ABCC6: variants seen among roughly 807,000 people sequenced by gnomAD.
The protein encoded by ABCC6 is ATP-binding cassette sub-family C member 6.
In ABCC6, 126 loss-of-function variants were observed where a neutral mutation model predicts 169.5. That is an observed-to-expected ratio of 0.74 (90% CI 0.64 to 0.86). The LOEUF is 0.86. Among genes scored for constraint, ABCC6 ranks in the 40% least tolerant of loss-of-function variants. The probability of loss-of-function intolerance (pLI) is 0.00; values close to 1 mark genes in which losing one functional copy is unlikely to be tolerated. For missense variants in ABCC6, 1,733 were observed against 1,927.2 expected, an observed-to-expected ratio of 0.90 and a Z score of 1.89; for synonymous variants, 752 against 814.7, an observed-to-expected ratio of 0.92 and a Z score of 1.31.
chr16:16,211,424 A>G (rs1196381244), intron 6 of ABCC6, among the ~76,000 whole-genome samples: 1 of 152,016 alleles, frequency 6.6e-6, no homozygotes, highest in African/African-American at 2.4e-5. Flanking sequence ...AATAATTACC[A>G]CTTAAACTCA....
At chr16:16,214,687 C>A (rs1383491229) in intron 4 of ABCC6, among the ~76,000 whole-genome samples, 1 of 152,116 alleles carries the variant, frequency 6.6e-6, no homozygotes, top group Admixed American at 6.5e-5. Flanking sequence ...TCCCTGCAAC[C>A]TCTGCCTCCT....
chr16:16,192,804 G>A, intron 11 of ABCC6, 26 bp downstream of exon 11: 2 of 1,597,330 alleles, frequency 1.3e-6, no homozygotes, highest in South Asian at 2.2e-5. Flanking sequence ...TTCCTGCCTG[G>A]TCCGTCCCTT....
At chr16:16,187,071 GC>G in intron 14 of ABCC6, 52 bp downstream of exon 14, 3 of 1,481,384 alleles carry the variant, frequency 2.0e-6, no homozygotes, top group Non-Finnish European at 2.8e-6. Context: ...GGCTGGGGTG[GC>G]CCCCACATCC....
rs1131691865 is a variant in ABCC6 at position 16,175,987 on chromosome 16, C to A, written c.2591-1G>T. On this transcript the variant is annotated splice_acceptor_variant, in intron 19 of 30. Coordinates refer to ENST00000205557, the MANE Select transcript of ABCC6 (RefSeq NM_001171.6). LOFTEE classifies it high-confidence loss of function. ...TTGGTGCTGGTCCCAGGTTCTGTTT[C>A]TGCAAGGTCAAGAGAGTCCTGTCAC... is the stretch of plus-strand genomic sequence containing the variant. 5.6e-6 allele frequency: 9 copies of A among 1,614,130 alleles called. No homozygotes were observed. Among genetic ancestry groups the A allele is most frequent in the Non-Finnish European group, 7.6e-6 (9 of 1,180,016 alleles).
chr16:16,201,458 T>C (rs2048233270), intron 9 of ABCC6, among the ~76,000 whole-genome samples: 1 of 151,848 alleles, frequency 6.6e-6, no homozygotes, highest in African/African-American at 2.4e-5. Context: ...CCAGGGTGGG[T>C]GGGGGCCTGG....
intron 22 of ABCC6, among the ~76,000 whole-genome samples, chr16:16,166,602 G>A (rs1337672748): frequency 4.6e-5 from 7 of 151,742 alleles, no homozygotes; most frequent in South Asian, 2.1e-4. Context: ...ACGAGGGGCC[G>A]GGCACAGTGG....
intron 15 of ABCC6, among the ~76,000 whole-genome samples, chr16:16,183,627 G>A (rs904881388): frequency 1.3e-5 from 2 of 152,154 alleles, no homozygotes; most frequent in African/African-American, 4.8e-5. Flanking sequence ...GCTGTTTCTT[G>A]AACACAAAAG....
intron 29 of ABCC6, 140 bp from the exon 30 acceptor site, chr16:16,150,912 G>T (rs2152207851): frequency 1.3e-6 from 2 of 1,496,818 alleles, no homozygotes; most frequent in South Asian, 1.3e-5. Flanking sequence ...GGGGTCTGGG[G>T]TCTGTGGTCT....
intron 11 of ABCC6, among the ~76,000 whole-genome samples, chr16:16,192,071 G>A (rs1239321976): frequency 6.6e-6 from 1 of 152,170 alleles, no homozygotes; most frequent in Admixed American, 6.6e-5. Flanking sequence ...GGGAGGGGAG[G>A]GATGGACGTG....
intron 29 of ABCC6, among the ~76,000 whole-genome samples, chr16:16,153,353 C>T (rs371652031): frequency 6.6e-6 from 1 of 152,252 alleles, no homozygotes; most frequent in African/African-American, 2.4e-5. Flanking sequence ...GAAAATTATT[C>T]GGCCTTAAAA....
In ABCC6 at chr16:16,190,496, A is replaced by G; in HGVS notation, c.1432-129T>C. 3.1e-6 allele frequency: 3 copies of G among 975,370 alleles called. No individual in the cohort carries two copies. In the South Asian group the frequency reaches 4.1e-5, roughly 13 times the overall value. 60.4% of individuals were successfully genotyped at this position (975,370 alleles called of 1,614,324 possible). A position where few individuals can be genotyped will look rare whatever the true frequency, so the allele number is the denominator to read the frequency against. ...TGCGTCCCAAACCTGTCTGCCTCTC[A>G]GCACCTCTGACCCTCACTCCTGGTC... On this transcript the variant is annotated intron_variant, in intron 11 of 30. Coordinates refer to ENST00000205557, the MANE Select transcript of ABCC6 (RefSeq NM_001171.6).
intron 26 of ABCC6, among the ~76,000 whole-genome samples, chr16:16,158,643 T>C (rs1343671210): frequency 6.6e-6 from 1 of 152,268 alleles, no homozygotes; most frequent in Non-Finnish European, 1.5e-5. Flanking sequence ...TGCGTTGCTA[T>C]GTTGCTGTTC....
chr16:16,156,499 C>A (rs79821117), intron 27 of ABCC6, among the ~76,000 whole-genome samples: 10,274 of 152,230 alleles, frequency 0.067, 515 homozygotes, highest in Admixed American at 0.12. Flanking sequence ...TAAGCCCTGG[C>A]AGAGCAATGA....
At chr16:16,164,108 G>A (rs1036877744) in intron 23 of ABCC6, among the ~76,000 whole-genome samples, 9 of 151,872 alleles carry the variant, frequency 5.9e-5, no homozygotes, top group African/African-American at 1.2e-4. Flanking sequence ...ATCTCAGCTC[G>A]CTGCAACCTC....
chr16:16,181,943 CAAAA>C (rs559833336), intron 17 of ABCC6: 2 of 235,048 alleles, frequency 8.5e-6, no homozygotes, highest in Non-Finnish European at 1.7e-5. Context: ...CAAAACAAAA[CAAAA>C]AACAAAACCA....
At chr16:16,159,706 A>C in intron 25 of ABCC6, 123 bp from the exon 26 acceptor site, 1 of 836,814 alleles carries the variant, frequency 1.2e-6, no homozygotes. Flanking sequence ...GGGAGGCAGG[A>C]ATGGGACAGT....
rs373223582 is a variant in ABCC6 at position 16,182,938 on chromosome 16, C to G, written c.1944-8G>C. Reference sequence around the variant, plus strand: ...GGCACCGTGAGGTTTATTCTGGACACGCAAGAGGGGAGACATGACCTTGGT... The same window carrying G: ...GGCACCGTGAGGTTTATTCTGGACAGGCAAGAGGGGAGACATGACCTTGGT... On this transcript the variant is annotated splice_polypyrimidine_tract_variant and splice_region_variant and intron_variant, in intron 15 of 30. Coordinates refer to ENST00000205557, the MANE Select transcript of ABCC6 (RefSeq NM_001171.6). 1.2e-6 allele frequency: 2 copies of G among 1,614,008 alleles called. No individual in the cohort carries two copies. The highest frequency in any genetic ancestry group is 1.3e-5 in the African/African-American group (1 of 74,910).
chr16:16,210,507 G>A lies in ABCC6; in HGVS notation c.663-1648C>T, dbSNP rs138457472. Reference sequence around the variant, plus strand: ...GTTCTGACATAGAAATTATTAACGTGGCTTGATTTTCCCTGAAATTATTTT... The same window carrying A: ...GTTCTGACATAGAAATTATTAACGTAGCTTGATTTTCCCTGAAATTATTTT... On this transcript the variant is annotated intron_variant, in intron 6 of 30. Transcript: ENST00000205557. 6.3e-4 allele frequency among the ~76,000 whole-genome samples: 96 copies of A among 152,310 alleles called. 1 individual carries two copies. Among genetic ancestry groups the A allele is most frequent in the African/African-American group, 1.8e-3 (76 of 41,574 alleles).
chr16:16,213,082 ATTTTTTTTT>A (rs55813185), intron 5 of ABCC6, among the ~76,000 whole-genome samples: 1 of 138,826 alleles, frequency 7.2e-6, no homozygotes, highest in Non-Finnish European at 1.6e-5. Flanking sequence ...CCTTCGAGCA[ATTTTTTTTT>A]TTTTTTTTTT....
Sources: gnomAD v4.1 joint callset for allele counts (sites outside exome capture counted in the v4.1 genomes callset) on GRCh38, gnomAD v4.1.1 for gene constraint, MANE v1.5 for transcripts, NCBI Gene and HGNC (gene_info 2026-07-23, HGNC 2026-07-21) for gene names.